Variants in DOCK2 observed in about 807,000 individuals in gnomAD.
The protein encoded by DOCK2 is dedicator of cytokinesis 2, also known as dedicator of cytokinesis protein 2.
In DOCK2, 87 loss-of-function variants were observed where a neutral mutation model predicts 248.9. The observed-to-expected ratio is 0.35, with a 90% CI of 0.29 to 0.42. The LOEUF (loss-of-function observed/expected upper bound fraction) is 0.42, where lower values mean the gene tolerates loss of function less well. Among genes scored for constraint, DOCK2 ranks in the 10% least tolerant of loss-of-function variants. The probability of loss-of-function intolerance (pLI) is 1.00; values close to 1 mark genes in which losing one functional copy is unlikely to be tolerated. For missense variants in DOCK2, 1,747 were observed against 2,300.2 expected, an observed-to-expected ratio of 0.76 and a Z score of 4.92; for synonymous variants, 805 against 821.6, an observed-to-expected ratio of 0.98 and a Z score of 0.35.
chr5:169,646,616 G>T (rs192813983), intron 1 of DOCK2, among the ~76,000 whole-genome samples: 20 of 152,286 alleles, frequency 1.3e-4, no homozygotes, highest in Admixed American at 1.2e-3. Flanking sequence ...AACGTGGTAG[G>T]TCAGAGAAAC....
At chr5:169,786,464 T>G (rs183936030) in intron 25 of DOCK2, among the ~76,000 whole-genome samples, 54 of 152,206 alleles carry the variant, frequency 3.5e-4, no homozygotes, top group African/African-American at 1.2e-3. Flanking sequence ...AATGAGATGA[T>G]GAAACCGAGC....
intron 27 of DOCK2, among the ~76,000 whole-genome samples, chr5:169,909,665 C>G (rs185065585): frequency 1.3e-5 from 2 of 152,316 alleles, no homozygotes; most frequent in African/African-American, 4.8e-5. Flanking sequence ...AATCTGCCCT[C>G]TAAACCTATA....
At chr5:169,794,472 T>C (rs994100633) in intron 25 of DOCK2, among the ~76,000 whole-genome samples, 3 of 152,176 alleles carry the variant, frequency 2.0e-5, no homozygotes, top group South Asian at 4.1e-4. Flanking sequence ...ATGAGAACAG[T>C]GAGTATTGAC....
chr5:169,647,983 A>T (rs978057556), intron 1 of DOCK2, among the ~76,000 whole-genome samples: 1 of 152,018 alleles, frequency 6.6e-6, no homozygotes, highest in African/African-American at 2.4e-5. Flanking sequence ...CGCTCTCTGC[A>T]TTTGGGGCTG....
At chr5:169,894,006 T>C (rs1215825574) in intron 27 of DOCK2, among the ~76,000 whole-genome samples, 1 of 152,240 alleles carries the variant, frequency 6.6e-6, no homozygotes. Context: ...AAGGGACCTA[T>C]GCTCCAGTAT....
chr5:169,806,139 A>G (rs1214815190), intron 26 of DOCK2, among the ~76,000 whole-genome samples: 4 of 152,006 alleles, frequency 2.6e-5, no homozygotes, highest in African/African-American at 7.2e-5. Context: ...GAGGCCCAAA[A>G]GTACCTAAAT....
chr5:169,699,846 C>A (rs1760862005), intron 12 of DOCK2, among the ~76,000 whole-genome samples, 168 bp from the exon 13 acceptor site: 1 of 152,164 alleles, frequency 6.6e-6, no homozygotes, highest in African/African-American at 2.4e-5. Context: ...GGATTCAGAC[C>A]CAGAGATCGC....
chr5:169,696,372 C>T (rs1043133982), intron 10 of DOCK2, among the ~76,000 whole-genome samples: 5 of 152,188 alleles, frequency 3.3e-5, no homozygotes. Context: ...GGAGAATTGG[C>T]GTGACCTGAG....
At chr5:169,977,216 T>C (rs1176062644) in intron 27 of DOCK2, among the ~76,000 whole-genome samples, 1 of 152,214 alleles carries the variant, frequency 6.6e-6, no homozygotes, top group African/African-American at 2.4e-5. Flanking sequence ...ACACTGGACT[T>C]ACTGAACAGT....
At chr5:169,708,858 C>G (rs892021535) in intron 15 of DOCK2, among the ~76,000 whole-genome samples, 1 of 152,196 alleles carries the variant, frequency 6.6e-6, no homozygotes, top group African/African-American at 2.4e-5. Flanking sequence ...AGCCACCACA[C>G]CCAGCCTTCT....
At chr5:169,827,141 T>C (rs1768919245) in intron 26 of DOCK2, among the ~76,000 whole-genome samples, 1 of 152,114 alleles carries the variant, frequency 6.6e-6, no homozygotes, top group Admixed American at 6.5e-5. Flanking sequence ...AATATATTTA[T>C]ATATATGGAA....
intron 41 of DOCK2, among the ~76,000 whole-genome samples, chr5:170,053,750 A>G (rs1228746728): frequency 6.6e-6 from 1 of 152,264 alleles, no homozygotes. Context: ...AGGCAGAAAC[A>G]GGCATCAGAA....
chr5:169,739,942 T>G (rs564637388), intron 22 of DOCK2, among the ~76,000 whole-genome samples: 1 of 152,388 alleles, frequency 6.6e-6, no homozygotes, highest in East Asian at 1.9e-4. Context: ...TGTGCTTCTT[T>G]CTATCCTTAG....
At chr5:169,638,508 G>A (rs1050052292) in intron 1 of DOCK2, among the ~76,000 whole-genome samples, 5 of 152,160 alleles carry the variant, frequency 3.3e-5, no homozygotes, top group East Asian at 3.9e-4. Flanking sequence ...CTGTTTCCTC[G>A]TCTATAAAGT....
intron 26 of DOCK2, among the ~76,000 whole-genome samples, chr5:169,827,405 C>T (rs943556892): frequency 2.0e-5 from 3 of 152,122 alleles, no homozygotes; most frequent in African/African-American, 7.2e-5. Flanking sequence ...TGAAAGAAAA[C>T]CTTAATGTGC....
chr5:169,925,896 G>T (rs1220385044), intron 27 of DOCK2, among the ~76,000 whole-genome samples: 1 of 152,156 alleles, frequency 6.6e-6, no homozygotes, highest in Non-Finnish European at 1.5e-5. Context: ...AGCTGGGCCT[G>T]TTTTAGGTCT....
intron 26 of DOCK2, among the ~76,000 whole-genome samples, chr5:169,828,894 G>A (rs1192516105): frequency 1.3e-5 from 2 of 152,158 alleles, no homozygotes; most frequent in Admixed American, 6.5e-5. Flanking sequence ...CAAAGTAGTG[G>A]CACAGACCTA....
intron 46 of DOCK2, 107 bp from the exon 47 acceptor site, chr5:170,075,840 A>G: frequency 6.8e-7 from 1 of 1,466,746 alleles, no homozygotes; most frequent in Non-Finnish European, 9.3e-7. Flanking sequence ...GAAGCCCTTG[A>G]TGAATTCTTA....
At chr5:169,860,639 C>G (rs376406211) in intron 27 of DOCK2, among the ~76,000 whole-genome samples, 1 of 152,196 alleles carries the variant, frequency 6.6e-6, no homozygotes, top group Non-Finnish European at 1.5e-5. Flanking sequence ...ACTCACTCTC[C>G]AGGTGTAAAC....
Sources: gnomAD v4.1 joint callset for allele counts (sites outside exome capture counted in the v4.1 genomes callset) on GRCh38, gnomAD v4.1.1 for gene constraint, MANE v1.5 for transcripts, NCBI Gene and HGNC (gene_info 2026-07-23, HGNC 2026-07-21) for gene names.